Variants in SAMTOR observed in about 807,000 individuals in gnomAD.
The protein encoded by SAMTOR is S-adenosylmethionine sensor upstream of mTORC1.
the SAMTOR span, among the ~76,000 whole-genome samples, chr7:112,923,382 T>C: frequency 9.9e-4 from 151 of 152,074 alleles, 3 homozygotes; most frequent in East Asian, 0.029. Flanking sequence ...CCAGAGACCT[T>C]TGTTCACTTG....
the SAMTOR span, among the ~76,000 whole-genome samples, chr7:112,840,609 C>CTGGATGA: frequency 6.6e-6 from 1 of 151,710 alleles, no homozygotes; most frequent in South Asian, 2.1e-4. Flanking sequence ...ATAATGTTAT[C>CTGGATGA]TGGATGATAA....
the SAMTOR span, among the ~76,000 whole-genome samples, chr7:112,868,070 G>A: frequency 1.6e-4 from 24 of 152,276 alleles, no homozygotes; most frequent in African/African-American, 3.6e-4. Flanking sequence ...GTTTCATTCC[G>A]AAACCACCCT....
the SAMTOR span, chr7:112,821,852 A>T: frequency 6.2e-7 from 1 of 1,613,588 alleles, no homozygotes; most frequent in Non-Finnish European, 8.5e-7. Flanking sequence ...CTGTGAAACC[A>T]TATGCTAGTT....
At chr7:112,854,180 A>C in the SAMTOR span, among the ~76,000 whole-genome samples, 1 of 152,142 alleles carries the variant, frequency 6.6e-6, no homozygotes, top group Non-Finnish European at 1.5e-5. Flanking sequence ...GCATGAGACT[A>C]GGCTTATTCT....
At chr7:112,852,878 A>T in the SAMTOR span, among the ~76,000 whole-genome samples, 2 of 152,082 alleles carry the variant, frequency 1.3e-5, no homozygotes, top group Non-Finnish European at 2.9e-5. Context: ...ATGATAATGA[A>T]CCAGAGTTTC....
At chr7:112,829,047 G>A in the SAMTOR span, among the ~76,000 whole-genome samples, 1 of 152,070 alleles carries the variant, frequency 6.6e-6, no homozygotes, top group Non-Finnish European at 1.5e-5. Flanking sequence ...TGAGTTTAAA[G>A]CTTTAATTAA....
the SAMTOR span, among the ~76,000 whole-genome samples, chr7:112,888,703 TTG>T: frequency 1.5e-4 from 23 of 152,164 alleles, no homozygotes; most frequent in African/African-American, 5.5e-4. Context: ...TGAAAGATAT[TTG>T]GAGATAAGCC....
the SAMTOR span, among the ~76,000 whole-genome samples, chr7:112,849,585 T>C: frequency 6.6e-6 from 1 of 152,174 alleles, no homozygotes; most frequent in Non-Finnish European, 1.5e-5. Flanking sequence ...TGGATGCCCT[T>C]TATTTCTTTC....
chr7:112,823,352 G>T, the SAMTOR span, among the ~76,000 whole-genome samples: 3 of 152,166 alleles, frequency 2.0e-5, no homozygotes, highest in Non-Finnish European at 4.4e-5. Flanking sequence ...TTAATGAACA[G>T]ATCCAACACC....
the SAMTOR span, chr7:112,915,157 G>A: frequency 1.7e-6 from 1 of 590,724 alleles, no homozygotes; most frequent in Non-Finnish European, 2.7e-6. Context: ...AGAACTGATT[G>A]AACCCGGGAG....
chr7:112,867,511 A>C, the SAMTOR span, among the ~76,000 whole-genome samples: 2 of 152,230 alleles, frequency 1.3e-5, no homozygotes, highest in Non-Finnish European at 2.9e-5. Flanking sequence ...TTTATGATAC[A>C]AAACTACCCA....
the SAMTOR span, chr7:112,821,975 C>G: frequency 6.2e-7 from 1 of 1,613,366 alleles, no homozygotes; most frequent in Non-Finnish European, 8.5e-7. Context: ...TCCTACTAAC[C>G]AAGTCACTTG....
the SAMTOR span, among the ~76,000 whole-genome samples, chr7:112,857,192 C>T: frequency 1.3e-5 from 2 of 148,186 alleles, no homozygotes; most frequent in East Asian, 2.0e-4. Flanking sequence ...CCCGGGTTCA[C>T]GCCATTCTCC....
At chr7:112,928,444 A>G in the SAMTOR span, among the ~76,000 whole-genome samples, 1 of 151,972 alleles carries the variant, frequency 6.6e-6, no homozygotes, top group Non-Finnish European at 1.5e-5. Context: ...TCATTTATAC[A>G]TACTGTCTAT....
the SAMTOR span, among the ~76,000 whole-genome samples, chr7:112,859,374 G>A: frequency 0.014 from 2,118 of 152,296 alleles, 29 homozygotes; most frequent in Middle Eastern, 0.044. Context: ...AACATTTGCG[G>A]AGTTGCTGGT....
chr7:112,902,782 G>C, the SAMTOR span, among the ~76,000 whole-genome samples: 5 of 152,116 alleles, frequency 3.3e-5, no homozygotes, highest in East Asian at 9.7e-4. Context: ...TTTTATTGTG[G>C]GTTTCTGGTC....
At chr7:112,847,308 CT>C in the SAMTOR span, among the ~76,000 whole-genome samples, 1 of 152,146 alleles carries the variant, frequency 6.6e-6, no homozygotes, top group Admixed American at 6.5e-5. Context: ...CTTTATTTTT[CT>C]TGATAATCCT....
the SAMTOR span, among the ~76,000 whole-genome samples, chr7:112,864,054 G>A: frequency 3.5e-4 from 54 of 152,308 alleles, no homozygotes; most frequent in African/African-American, 1.3e-3. Flanking sequence ...ATACACCACG[G>A]AATACTATGC....
chr7:112,915,003 G>A, the SAMTOR span, among the ~76,000 whole-genome samples: 1 of 152,220 alleles, frequency 6.6e-6, no homozygotes, highest in African/African-American at 2.4e-5. Context: ...CACTTTGGGA[G>A]GCTGAGGCGG....
Sources: allele counts gnomAD v4.1 joint callset (sites outside exome capture counted in the v4.1 genomes callset), GRCh38; gene constraint gnomAD v4.1.1; transcripts MANE v1.5; gene names NCBI Gene and HGNC (gene_info 2026-07-23, HGNC 2026-07-21).